CACNB2: variants seen among roughly 807,000 people sequenced by gnomAD.
CACNB2 encodes calcium voltage-gated channel auxiliary subunit beta 2.
CACNB2 carries 42 observed loss-of-function variants against 73.3 expected under a neutral mutation model. That is an observed-to-expected ratio of 0.57 (90% confidence interval 0.45 to 0.74). CACNB2 has a LOEUF of 0.74. CACNB2 is among the 30% of genes least tolerant of loss of function. CACNB2 has a pLI of 0.00. For synonymous variants in CACNB2, 348 were observed against 310.3 expected, an observed-to-expected ratio of 1.12 and a Z score of -1.28; for missense variants, 940 against 853.0, an observed-to-expected ratio of 1.10 and a Z score of -1.27.
chr10:18,270,364 AAGCCAAACTCTATCAGC>A (rs1333406254), intron 2 of CACNB2, among the ~76,000 whole-genome samples: 2 of 152,152 alleles, frequency 1.3e-5, no homozygotes, highest in African/African-American at 4.8e-5. Context: ...GGTGGGGACA[AAGCCAAACTCTATCAGC>A]AGCCTCCTAA....
Position 18,289,284 on chromosome 10 carries a change from G to GTTTTTTTT in CACNB2, c.214-112633_214-112632insTTTTTTTT, listed in dbSNP as rs1489491866. Among the ~76,000 whole-genome samples, 275 of 85,526 alleles carry GTTTTTTTT rather than the reference G, an allele frequency of 3.2e-3. 55 individuals carry two copies. Among genetic ancestry groups the GTTTTTTTT allele is most frequent in the African/African-American group, 0.013 (222 of 17,138 alleles). The allele number at this position is 85,526 out of a possible 152,430, so 56.1% of individuals were successfully genotyped here. A position where few individuals can be genotyped will look rare whatever the true frequency, so the allele number is the denominator to read the frequency against. Reference sequence around the variant, plus strand: ...GAAGTTGTCTTCATTTTTTTTTCTTGTTTTTTTGTTTTGTTTTTTTTTTTT... The same window carrying GTTTTTTTT: ...GAAGTTGTCTTCATTTTTTTTTCTTGTTTTTTTTTTTTTTTGTTTTGTTTTTTTTTTTT... On this transcript the variant is annotated intron_variant, in intron 2 of 13. Transcript: ENST00000324631.
chr10:18,371,689 A>G (rs895597941), intron 2 of CACNB2, among the ~76,000 whole-genome samples: 1 of 152,240 alleles, frequency 6.6e-6, no homozygotes, highest in Admixed American at 6.5e-5. Context: ...TTATAGCAGC[A>G]TGATTTATAA....
Position 18,284,740 on chromosome 10 carries a change from T to C in CACNB2, c.214-117184T>C, listed in dbSNP as rs748598450. Among the ~76,000 whole-genome samples the C allele has an allele frequency of 1.1e-3, 173 of 152,274 alleles. 2 individuals carry two copies. The highest frequency in any genetic ancestry group is 2.1e-4 in the South Asian group (1 of 4,824). Reference sequence around the variant, plus strand: ...TATGATGAAAATTGTTAGATTATTTTTGGGGAACTGCTGTGTATGAGGCAG... The same window carrying C: ...TATGATGAAAATTGTTAGATTATTTCTGGGGAACTGCTGTGTATGAGGCAG... On this transcript the variant is annotated intron_variant, in intron 2 of 13. Transcript: ENST00000324631.
intron 7 of CACNB2, chr10:18,514,894 T>C (rs2051123772): frequency 6.8e-6 from 6 of 886,560 alleles, no homozygotes; most frequent in Non-Finnish European, 1.1e-5. Flanking sequence ...AAATTCTGAC[T>C]TATGATATCC....
chr10:18,382,124 G>A (rs374497436), intron 2 of CACNB2, among the ~76,000 whole-genome samples: 3 of 152,012 alleles, frequency 2.0e-5, no homozygotes, highest in East Asian at 1.9e-4. Flanking sequence ...TCACCTCACC[G>A]AAGAATGCTA....
chr10:18,461,944 G>A (rs956951820), intron 3 of CACNB2, among the ~76,000 whole-genome samples: 5 of 151,962 alleles, frequency 3.3e-5, no homozygotes, highest in African/African-American at 1.2e-4. Flanking sequence ...TGGAGCTCTG[G>A]AGAGATGTCT....
intron 2 of CACNB2, among the ~76,000 whole-genome samples, chr10:18,356,518 T>C (rs16917194): frequency 0.16 from 23,904 of 152,198 alleles, 2,197 homozygotes; most frequent in East Asian, 0.32. Context: ...TTTTCCTGAC[T>C]ACATTGCACA....
At chr10:18,218,238 T>G (rs995959585) in intron 2 of CACNB2, among the ~76,000 whole-genome samples, 2 of 152,248 alleles carry the variant, frequency 1.3e-5, no homozygotes, top group Admixed American at 6.5e-5. Context: ...TCTGAAGGTA[T>G]TTTTGTCCTT....
At chr10:18,307,874 AAAG>A (rs142929102) in intron 2 of CACNB2, among the ~76,000 whole-genome samples, 6,037 of 152,208 alleles carry the variant, frequency 0.04, 215 homozygotes, top group African/African-American at 0.095. Flanking sequence ...AGAAGGCAAG[AAAG>A]AAGAAGGTGC....
chr10:18,219,852 C>G (rs2035660135), intron 2 of CACNB2, among the ~76,000 whole-genome samples: 1 of 151,248 alleles, frequency 6.6e-6, no homozygotes, highest in African/African-American at 2.4e-5. Context: ...TCACTGCAGC[C>G]TCCACCTCCC....
chr10:18,442,958 G>A (rs184555033), intron 3 of CACNB2, among the ~76,000 whole-genome samples: 393 of 21,640 alleles, frequency 0.018, 19 homozygotes, highest in East Asian at 0.03. Context: ...ATATATATAT[G>A]TATATATATA....
intron 2 of CACNB2, among the ~76,000 whole-genome samples, chr10:18,320,084 C>A (rs560618390): frequency 1.3e-5 from 2 of 151,324 alleles, no homozygotes; most frequent in South Asian, 4.2e-4. Context: ...CTCCCCGATC[C>A]ACTTTCATGC....
intron 3 of CACNB2, among the ~76,000 whole-genome samples, chr10:18,464,418 T>TTAAAAAAATTTAAAAAAAAAAAAA (rs1360690647): frequency 1.2e-5 from 1 of 85,298 alleles, no homozygotes; most frequent in Non-Finnish European, 2.3e-5. Context: ...TCTCAAAAAT[T>TTAAAAAAATTTAAAAAAAAAAAAA]AAAAAAAAAA....
intron 1 of CACNB2, among the ~76,000 whole-genome samples, chr10:18,143,705 A>C (rs1047873543): frequency 2.6e-5 from 4 of 152,226 alleles, no homozygotes; most frequent in African/African-American, 9.6e-5. Flanking sequence ...ACAGACCAGC[A>C]GTAAAAACTG....
At chr10:18,496,558 A>C (rs1189724244) in intron 3 of CACNB2, among the ~76,000 whole-genome samples, 9 of 152,156 alleles carry the variant, frequency 5.9e-5, no homozygotes, top group Non-Finnish European at 1.3e-4. Context: ...CATGCCTATA[A>C]TCCCAGCACT....
chr10:18,310,578 C>A (rs1245458362), intron 2 of CACNB2, among the ~76,000 whole-genome samples: 4 of 132,164 alleles, frequency 3.0e-5, no homozygotes, highest in African/African-American at 1.2e-4. Context: ...GCACTCCAGC[C>A]TGGGCAATAA....
rs1171673657 is a variant in CACNB2 at position 18,498,405 on chromosome 10, C to T, written c.384C>T (p.Ala128=). Residue 128 remains alanine, a synonymous_variant, in exon 4 of 14, where the codon GCC becomes GCT. Coordinates refer to ENST00000324631, the MANE Select transcript of CACNB2 (RefSeq NM_201596.3). ...AVRTNVSYSA[A]HEDDVPVPGM... ...GGACAAATGTCAGCTACAGTGCGGC[C>T]CATGAAGATGATGTTCCAGTGCCTG... is the stretch of plus-strand genomic sequence containing the variant. 1 of 1,613,956 alleles carries T rather than the reference C, an allele frequency of 6.2e-7. No individual in the cohort carries two copies. Among genetic ancestry groups the T allele is most frequent in the Admixed American group, 1.7e-5 (1 of 60,000 alleles).
chr10:18,150,855 C>CTTTTTTGTTTTTTTTTTTTT, intron 1 of CACNB2, 28 bp from the exon 2 acceptor site: 1 of 483,392 alleles, frequency 2.1e-6, no homozygotes, highest in Non-Finnish European at 3.1e-6. Context: ...TCTTATTTGT[C>CTTTTTTGTTTTTTTTTTTTT]TTTTTTTTTT....
chr10:18,215,477 T>C (rs1201085136), intron 2 of CACNB2, among the ~76,000 whole-genome samples: 1 of 152,186 alleles, frequency 6.6e-6, no homozygotes, highest in African/African-American at 2.4e-5. Flanking sequence ...CACAAAACTT[T>C]TGATTAAAAA....
Sources: gnomAD v4.1 joint callset for allele counts (sites outside exome capture counted in the v4.1 genomes callset) on GRCh38, gnomAD v4.1.1 for gene constraint, MANE v1.5 for transcripts, NCBI Gene and HGNC (gene_info 2026-07-23, HGNC 2026-07-21) for gene names.